Variants in ARHGAP18 observed in about 807,000 individuals in gnomAD.
ARHGAP18 encodes rho GTPase-activating protein 18.
In ARHGAP18, 67 loss-of-function variants were observed where a neutral mutation model predicts 86.2. The observed-to-expected ratio is 0.78, with a 90% CI of 0.64 to 0.95. ARHGAP18 has a LOEUF of 0.95. Ranked by LOEUF, ARHGAP18 falls within the 40% of genes least tolerant of loss-of-function variation. ARHGAP18 has a pLI of 0.00. For synonymous variants in ARHGAP18, 283 were observed against 280.4 expected (o/e 1.01, Z -0.09); for missense variants, 691 against 780.4 (o/e 0.89, Z 1.37).
intron 1 of ARHGAP18, among the ~76,000 whole-genome samples, chr6:129,701,304 T>A (rs893136479): frequency 5.9e-5 from 9 of 152,198 alleles, no homozygotes; most frequent in African/African-American, 2.2e-4. Flanking sequence ...CAGATAAATG[T>A]GTCATGTCCT....
At chr6:129,611,481 A>G (rs375381621) in intron 8 of ARHGAP18, 52 bp downstream of exon 8, 36 of 1,509,942 alleles carry the variant, frequency 2.4e-5, no homozygotes, top group African/African-American at 9.7e-5. Flanking sequence ...TTTAAAATGC[A>G]TAAGTGTAAA....
intron 10 of ARHGAP18, among the ~76,000 whole-genome samples, chr6:129,602,274 C>T (rs879834812): frequency 6.6e-6 from 1 of 152,076 alleles, no homozygotes; most frequent in Non-Finnish European, 1.5e-5. Flanking sequence ...GATCAGAAAA[C>T]AATGTTTGGA....
At chr6:129,685,629 AAG>A (rs1774410530) in intron 1 of ARHGAP18, among the ~76,000 whole-genome samples, 1 of 152,246 alleles carries the variant, frequency 6.6e-6, no homozygotes, top group African/African-American at 2.4e-5. Context: ...TTTCATTAAA[AAG>A]AGATGTCAAA....
At chr6:129,633,676 TGGAAA>T (rs1773265015) in intron 4 of ARHGAP18, among the ~76,000 whole-genome samples, 1 of 152,168 alleles carries the variant, frequency 6.6e-6, no homozygotes, top group Non-Finnish European at 1.5e-5. Context: ...TGTGTTGCAT[TGGAAA>T]GTGGCTTCAC....
chr6:129,612,598 A>G (rs1476044775), intron 7 of ARHGAP18, among the ~76,000 whole-genome samples: 1 of 152,210 alleles, frequency 6.6e-6, no homozygotes, highest in Non-Finnish European at 1.5e-5. Flanking sequence ...GCCTCCTTTA[A>G]TGATTAAACA....
intron 1 of ARHGAP18, among the ~76,000 whole-genome samples, chr6:129,675,534 T>A (rs1279844185): frequency 6.6e-6 from 1 of 152,094 alleles, no homozygotes; most frequent in Non-Finnish European, 1.5e-5. Flanking sequence ...TATCTGGCAA[T>A]GTCATCTGGA....
chr6:129,618,116 A>C lies in ARHGAP18; in HGVS notation c.952+571T>G, dbSNP rs139787707. On this transcript the variant is annotated intron_variant, in intron 6 of 14. Coordinates refer to ENST00000368149, the MANE Select transcript of ARHGAP18 (RefSeq NM_033515.3). ...AGCAAGGTACTTACAAAAAAAACAA[A>C]AAAAAAAAACCACTCCATATTTCCA... is the stretch of plus-strand genomic sequence containing the variant. Among the ~76,000 whole-genome samples the C allele has an allele frequency of 2.6e-3, 390 of 151,272 alleles. 3 individuals are homozygous for C. Among genetic ancestry groups the C allele is most frequent in the African/African-American group, 8.8e-3 (361 of 40,832 alleles).
chr6:129,600,372 ACCAAGAT>A (rs1206482447), intron 11 of ARHGAP18, among the ~76,000 whole-genome samples: 1 of 152,140 alleles, frequency 6.6e-6, no homozygotes, highest in Non-Finnish European at 1.5e-5. Flanking sequence ...ATAATCTGAA[ACCAAGAT>A]AGCATGGGCT....
chr6:129,617,131 G>A (rs1267158348), intron 6 of ARHGAP18, among the ~76,000 whole-genome samples: 2 of 152,018 alleles, frequency 1.3e-5, no homozygotes, highest in African/African-American at 4.8e-5. Context: ...ATTTAACTTT[G>A]TGATTGTATA....
chr6:129,606,775 G>A lies in ARHGAP18; in HGVS notation c.1283-816C>T, dbSNP rs894133880. 1.3e-4 allele frequency among the ~76,000 whole-genome samples: 19 copies of A among 151,940 alleles called. 1 individual carries two copies. Among genetic ancestry groups the A allele is most frequent in the Admixed American group, 1.0e-3 (16 of 15,260 alleles). ...AAATTCTGAAGAAATGTCATGATAC[G>A]AGATGACTCATGAAACCATCTCAAT... is the stretch of plus-strand genomic sequence containing the variant. On this transcript the variant is annotated intron_variant, in intron 9 of 14. Coordinates refer to ENST00000368149, the MANE Select transcript of ARHGAP18 (RefSeq NM_033515.3).
At chr6:129,648,116 T>C (rs1773616802) in intron 1 of ARHGAP18, among the ~76,000 whole-genome samples, 1 of 152,138 alleles carries the variant, frequency 6.6e-6, no homozygotes, top group Non-Finnish European at 1.5e-5. Context: ...AATCAAACCA[T>C]ATTTTTTTAA....
At chr6:129,702,027 C>A (rs1422907413) in intron 1 of ARHGAP18, among the ~76,000 whole-genome samples, 3 of 152,194 alleles carry the variant, frequency 2.0e-5, no homozygotes, top group African/African-American at 7.2e-5. Flanking sequence ...CCCTATGACC[C>A]AGATCCCTGT....
intron 1 of ARHGAP18, among the ~76,000 whole-genome samples, chr6:129,662,652 C>T (rs1161549803): frequency 6.6e-6 from 1 of 152,168 alleles, no homozygotes; most frequent in African/African-American, 2.4e-5. Context: ...ACCTTGTAGC[C>T]ACAGGCAAAG....
intron 8 of ARHGAP18, 54 bp downstream of exon 8, chr6:129,611,479 G>T: frequency 6.7e-7 from 1 of 1,491,652 alleles, no homozygotes; most frequent in Non-Finnish European, 9.3e-7. Flanking sequence ...CTTTTAAAAT[G>T]CATAAGTGTA....
chr6:129,625,577 ATTATATATTATATAT>A (rs1249292635), intron 5 of ARHGAP18, among the ~76,000 whole-genome samples: 1 of 77,010 alleles, frequency 1.3e-5, no homozygotes, highest in East Asian at 4.5e-4. Flanking sequence ...ATCATTATAC[ATTATATATTATATAT>A]TTATATATTA....
intron 13 of ARHGAP18, among the ~76,000 whole-genome samples, chr6:129,582,426 T>C (rs1466651200): frequency 6.6e-6 from 1 of 152,198 alleles, no homozygotes; most frequent in East Asian, 1.9e-4. Flanking sequence ...TAACTGTGTC[T>C]GGCTGGAAAG....
At chr6:129,698,666 C>T (rs188273867) in intron 1 of ARHGAP18, among the ~76,000 whole-genome samples, 9 of 150,746 alleles carry the variant, frequency 6.0e-5, no homozygotes, top group African/African-American at 1.7e-4. Context: ...CTCAGCCTCC[C>T]GAGTAGCGTG....
chr6:129,656,470 G>A (rs777094013), intron 1 of ARHGAP18, among the ~76,000 whole-genome samples: 9 of 152,008 alleles, frequency 5.9e-5, no homozygotes, highest in Non-Finnish European at 1.2e-4. Flanking sequence ...GTGAAACCCC[G>A]TCTCTACTAA....
At position 129,649,500 on chromosome 6, in the gene ARHGAP18, G is replaced by A. The variant is rs1203294183; in HGVS notation, c.114-7482C>T. On this transcript the variant is annotated intron_variant, in intron 1 of 14. Transcript: ENST00000368149. ...ACCCGGGAGGCAGAGGTTGCAGTGA[G>A]CCAAGATCATGCCACTGCACTCCAG... 4.5e-5 allele frequency among the ~76,000 whole-genome samples: 6 copies of A among 134,586 alleles called. No individual in the cohort carries two copies. In the Admixed American group the frequency reaches 5.3e-4, roughly 12 times the overall value. The allele number at this position is 134,586 out of a possible 152,430, so 88.3% of individuals were successfully genotyped here.
Sources: allele counts gnomAD v4.1 joint callset (sites outside exome capture counted in the v4.1 genomes callset), GRCh38; gene constraint gnomAD v4.1.1; transcripts MANE v1.5; gene names NCBI Gene and HGNC (gene_info 2026-07-23, HGNC 2026-07-21).